Variants in CREB5 observed in about 807,000 individuals in gnomAD.
CREB5 encodes the protein cyclic AMP-responsive element-binding protein 5.
Under a neutral mutation model 57.1 loss-of-function variants are expected in CREB5, and 19 were observed. The observed-to-expected ratio is 0.33, with a 90% CI of 0.23 to 0.49. The LOEUF (loss-of-function observed/expected upper bound fraction) is 0.49. CREB5 is among the 20% of genes least tolerant of loss of function. CREB5 has a pLI of 0.99. For missense variants in CREB5, 579 were observed against 671.6 expected (o/e 0.86, Z 1.52); for synonymous variants, 238 against 238.3 (o/e 1.00, Z 0.01).
intron 1 of CREB5, among the ~76,000 whole-genome samples, chr7:28,301,640 G>A (rs763725517): frequency 6.6e-6 from 1 of 152,170 alleles, no homozygotes; most frequent in Non-Finnish European, 1.5e-5. Context: ...AAAAGAGAAA[G>A]CATTCTCATC....
At chr7:28,486,158 A>T (rs545079318) in intron 1 of CREB5, among the ~76,000 whole-genome samples, 61 of 152,292 alleles carry the variant, frequency 4.0e-4, no homozygotes. Context: ...AGTGGTTTGA[A>T]TAGGTTTACA....
chr7:28,559,028 C>G (rs1432025617), intron 4 of CREB5, among the ~76,000 whole-genome samples: 1 of 152,116 alleles, frequency 6.6e-6, no homozygotes, highest in Non-Finnish European at 1.5e-5. Context: ...ATTTTAAATA[C>G]CCTTTCGTCT....
intron 4 of CREB5, among the ~76,000 whole-genome samples, chr7:28,541,687 C>A (rs1048718103): frequency 2.6e-4 from 40 of 152,212 alleles, no homozygotes; most frequent in Non-Finnish European, 5.0e-4. Context: ...ACAACAACAA[C>A]AAAAAACAAA....
At chr7:28,614,865 C>T (rs73684210) in intron 5 of CREB5, among the ~76,000 whole-genome samples, 2,744 of 152,144 alleles carry the variant, frequency 0.018, 90 homozygotes, top group African/African-American at 0.063. Context: ...CAAGGTTATA[C>T]GAAGCACATC....
chr7:28,473,914 C>T (rs1177954740), intron 1 of CREB5, among the ~76,000 whole-genome samples: 1 of 152,186 alleles, frequency 6.6e-6, no homozygotes, highest in Non-Finnish European at 1.5e-5. Context: ...TAGGGTGTAC[C>T]TTTAAGTGGC....
intron 4 of CREB5, among the ~76,000 whole-genome samples, chr7:28,516,224 A>T (rs1341259413): frequency 1.3e-5 from 2 of 151,982 alleles, no homozygotes; most frequent in Non-Finnish European, 2.9e-5. Context: ...TTTTAAAAAA[A>T]AAGTAAAGAA....
intron 4 of CREB5, among the ~76,000 whole-genome samples, chr7:28,548,235 C>G (rs1417854606): frequency 1.3e-5 from 2 of 152,238 alleles, no homozygotes; most frequent in East Asian, 1.9e-4. Context: ...ACTTTTAATA[C>G]GTGCAGCTCC....
chr7:28,356,739 G>T (rs75376107), intron 1 of CREB5, among the ~76,000 whole-genome samples: 4,545 of 152,282 alleles, frequency 0.03, 110 homozygotes, highest in Admixed American at 0.059. Context: ...TTTGCTACAC[G>T]GAGTGCTGTG....
intron 3 of CREB5, among the ~76,000 whole-genome samples, chr7:28,506,894 T>C (rs912124804): frequency 2.0e-5 from 3 of 152,212 alleles, no homozygotes; most frequent in Non-Finnish European, 4.4e-5. Flanking sequence ...GCTCCATCAG[T>C]TTTATAAGTA....
intron 1 of CREB5, among the ~76,000 whole-genome samples, chr7:28,352,029 A>G (rs1052170509): frequency 2.0e-5 from 3 of 152,260 alleles, no homozygotes; most frequent in African/African-American, 7.2e-5. Context: ...ATTTTTAAAA[A>G]ACCAAATAGA....
chr7:28,649,924 C>G (rs1799059246), intron 5 of CREB5, among the ~76,000 whole-genome samples: 1 of 152,150 alleles, frequency 6.6e-6, no homozygotes, highest in African/African-American at 2.4e-5. Context: ...AGGACAATAT[C>G]AAGAACAGTA....
intron 5 of CREB5, among the ~76,000 whole-genome samples, chr7:28,701,046 A>C (rs1210645514): frequency 1.3e-5 from 2 of 152,060 alleles, no homozygotes; most frequent in African/African-American, 4.8e-5. Flanking sequence ...ATTTGTGGGC[A>C]CCTGCCCAAC....
At chr7:28,669,348 A>G (rs1799945194) in intron 5 of CREB5, among the ~76,000 whole-genome samples, 1 of 152,246 alleles carries the variant, frequency 6.6e-6, no homozygotes, top group Non-Finnish European at 1.5e-5. Context: ...TTGTGTTTTG[A>G]GCAAGGGAAT....
chr7:28,419,872 C>T (rs1476569764), intron 1 of CREB5, among the ~76,000 whole-genome samples: 1 of 152,160 alleles, frequency 6.6e-6, no homozygotes, highest in African/African-American at 2.4e-5. Context: ...TTTTGTCTTC[C>T]AGTTTTGCAA....
intron 7 of CREB5, among the ~76,000 whole-genome samples, chr7:28,780,865 G>A (rs1383818948): frequency 2.0e-5 from 3 of 150,682 alleles, no homozygotes; most frequent in Non-Finnish European, 1.5e-5. Flanking sequence ...TGTTTGCACT[G>A]TAGTTTTGTA....
intron 1 of CREB5, among the ~76,000 whole-genome samples, chr7:28,392,228 A>G (rs941811192): frequency 6.6e-6 from 1 of 152,126 alleles, no homozygotes. Flanking sequence ...CTGTGACATG[A>G]GTTTGTCTAT....
chr7:28,686,858 A>G (rs1422816300), intron 5 of CREB5, among the ~76,000 whole-genome samples: 1 of 152,210 alleles, frequency 6.6e-6, no homozygotes, highest in Non-Finnish European at 1.5e-5. Context: ...GTATTTTAAA[A>G]TAACACGATA....
chr7:28,744,923 A>C (rs555202701), intron 7 of CREB5, among the ~76,000 whole-genome samples: 1 of 152,348 alleles, frequency 6.6e-6, no homozygotes, highest in East Asian at 1.9e-4. Context: ...GGTCTTTCTC[A>C]GGAAGAGACC....
At chr7:28,542,819 T>C (rs1451990754) in intron 4 of CREB5, among the ~76,000 whole-genome samples, 7 of 152,156 alleles carry the variant, frequency 4.6e-5, no homozygotes, top group Admixed American at 1.3e-4. Context: ...ACAGCCTTAA[T>C]TTACTGGGTG....
Sources: allele counts gnomAD v4.1 joint callset (sites outside exome capture counted in the v4.1 genomes callset), GRCh38; gene constraint gnomAD v4.1.1; transcripts MANE v1.5; gene names NCBI Gene and HGNC (gene_info 2026-07-23, HGNC 2026-07-21).